The following LCT variants were observed in gnomAD, a reference collection of about 807,000 sequenced individuals.
The protein encoded by LCT is lactase.
LCT carries 90 observed loss-of-function variants against 173.0 expected under a neutral mutation model. That is an observed-to-expected ratio of 0.52 (90% CI 0.44 to 0.62). LCT has a LOEUF of 0.62. Ranked by LOEUF, LCT falls within the 20% of genes least tolerant of loss-of-function variation. The pLI is 0.00. For synonymous variants in LCT, 853 were observed against 957.6 expected, an observed-to-expected ratio of 0.89 and a Z score of 2.02; for missense variants, 1,864 against 2,431.4, an observed-to-expected ratio of 0.77 and a Z score of 4.91.
At chr2:135,821,830 C>T (rs904885811) in intron 5 of LCT, 190 bp downstream of exon 5, 13 of 586,188 alleles carry the variant, frequency 2.2e-5, no homozygotes, top group African/African-American at 1.7e-4. Context: ...AGCAGAACCT[C>T]GTGAGTCCCA....
At chr2:135,800,888 G>A in intron 11 of LCT, 79 bp from the exon 12 acceptor site, 1 of 1,132,140 alleles carries the variant, frequency 8.8e-7, no homozygotes, top group Non-Finnish European at 1.3e-6. Context: ...GCCTGCAGAT[G>A]TCCCCTCTGT....
Position 135,809,551 on chromosome 2 carries a change from C to G in LCT, c.2796G>C (p.Trp932Cys). ...WDADGKGPSI[W>C]DNFTHTPGSN... ...TCCCTGGTGTGTGGGTAAAGTTATCCCAGATGCTGGGGCCTTTGCCATCGG... is the reference window on the plus strand; with the variant it reads ...TCCCTGGTGTGTGGGTAAAGTTATCGCAGATGCTGGGGCCTTTGCCATCGG... Residue 932 changes from tryptophan (W) to cysteine (C), a missense_variant, in exon 8 of 17, where the codon TGG (tryptophan) becomes TGC (cysteine). By Grantham distance (215) the Trp-to-Cys change is radical (BLOSUM62 -2). Transcript: ENST00000264162. The surrounding 1 kb of genome is among the most constrained non-coding windows in gnomAD (Gnocchi z 5.5). 1.2e-6 allele frequency: 2 copies of G among 1,614,216 alleles called. No individual in the cohort carries two copies. The highest frequency in any genetic ancestry group is 1.7e-6 in the Non-Finnish European group (2 of 1,180,040).
At chr2:135,792,890 C>T (rs1053852578) in intron 14 of LCT, among the ~76,000 whole-genome samples, 4 of 152,134 alleles carry the variant, frequency 2.6e-5, no homozygotes, top group Admixed American at 2.0e-4. Context: ...AATACCCTGG[C>T]CAACGTAGGG....
At chr2:135,798,869 C>T (rs983068603) in intron 12 of LCT, among the ~76,000 whole-genome samples, 7 of 152,076 alleles carry the variant, frequency 4.6e-5, no homozygotes, top group African/African-American at 1.7e-4. Context: ...GGTAAAGAGG[C>T]TTAAATGCAC....
chr2:135,794,779 G>A lies in LCT; in HGVS notation c.4977-4C>T, dbSNP rs772791435. The stretch of plus-strand genomic sequence containing the variant: ...ACTCTCTGTAAATTCTGGCAGCCTG[G>A]GTGGAAGAAGCCATTGAGGGCAGGG... On this transcript the variant is annotated splice_polypyrimidine_tract_variant and splice_region_variant and intron_variant, in intron 13 of 16. Transcript: ENST00000264162. The A allele has an allele frequency of 1.9e-5, 30 of 1,614,078 alleles. No homozygotes were observed. Among genetic ancestry groups the A allele is most frequent in the Middle Eastern group, 1.7e-4 (1 of 6,058 alleles).
chr2:135,834,513 C>A (rs1190776616), intron 1 of LCT, among the ~76,000 whole-genome samples: 1 of 146,370 alleles, frequency 6.8e-6, no homozygotes, highest in Non-Finnish European at 1.5e-5. Context: ...TAAGGCCGGG[C>A]GTGGTGGCTC....
chr2:135,792,927 C>T (rs2077544034), intron 14 of LCT, among the ~76,000 whole-genome samples: 2 of 152,184 alleles, frequency 1.3e-5, no homozygotes, highest in South Asian at 2.1e-4. Flanking sequence ...CTTCTACTAC[C>T]GCAGCTGGTG....
At chr2:135,800,021 C>G (rs1245910153) in intron 12 of LCT, among the ~76,000 whole-genome samples, 7 of 152,134 alleles carry the variant, frequency 4.6e-5, no homozygotes, top group Non-Finnish European at 7.3e-5. Context: ...TAACTTCAAA[C>G]CAATGTTACA....
At chr2:135,803,223 T>C (rs993148019) in intron 11 of LCT, among the ~76,000 whole-genome samples, 2 of 152,206 alleles carry the variant, frequency 1.3e-5, no homozygotes, top group African/African-American at 2.4e-5. Flanking sequence ...ATGATGAATG[T>C]TTGAGGTGAT....
chr2:135,799,884 C>G (rs1226420538), intron 12 of LCT, among the ~76,000 whole-genome samples: 1 of 152,184 alleles, frequency 6.6e-6, no homozygotes, highest in Non-Finnish European at 1.5e-5. Context: ...TTAAGAAATG[C>G]CTAGGCTGGA....
intron 5 of LCT, chr2:135,821,819 A>G: frequency 1.7e-6 from 1 of 574,768 alleles, no homozygotes; most frequent in South Asian, 2.0e-5. Flanking sequence ...ACAGATGAGA[A>G]AGCAGAACCT....
At chr2:135,796,003 C>T (rs1049722948) in intron 13 of LCT, among the ~76,000 whole-genome samples, 2 of 152,204 alleles carry the variant, frequency 1.3e-5, no homozygotes, top group Non-Finnish European at 2.9e-5. Context: ...TCAAGCAATC[C>T]TCCTGCCTCA....
Position 135,817,329 on chromosome 2 carries a change from G to A in LCT, c.1707+12C>T. 1.9e-6 allele frequency: 3 copies of A among 1,613,344 alleles called. No homozygotes were observed. Among genetic ancestry groups the A allele is most frequent in the Non-Finnish European group, 2.5e-6 (3 of 1,179,554 alleles). On this transcript the variant is annotated intron_variant, in intron 6 of 16. Coordinates refer to ENST00000264162, the MANE Select transcript of LCT (RefSeq NM_002299.4). ...TCCTCCAATTAGTAGGAGCTGCAGG[G>A]TTGGGAAGTACCTTAAAAGAGGCCA...
intron 13 of LCT, among the ~76,000 whole-genome samples, chr2:135,795,975 G>T (rs879043236): frequency 6.6e-6 from 1 of 152,044 alleles, no homozygotes; most frequent in Non-Finnish European, 1.5e-5. Context: ...TGCCCAGGCT[G>T]GTCTTGAACT....
chr2:135,808,564 C>G lies in LCT; in HGVS notation c.3783G>C (p.Lys1261Asn). The G allele has an allele frequency of 6.2e-7, 1 of 1,614,232 alleles. No individual in the cohort carries two copies. The change falls in exon 8 of 17, where the codon AAG becomes AAC. Residue 1261 changes from lysine (K) to asparagine (N), a missense_variant. By Grantham distance (94) the Lys-to-Asn change is moderately conservative. Around this residue, in one of 4 missense-constraint regions of LCT, gnomAD observed 755 missense variants for 926.3 expected, o/e 0.82. Coordinates refer to ENST00000264162, the MANE Select transcript of LCT (RefSeq NM_002299.4). ...AAATGGGGATGTCACCATACTCTTCCTTGATCCAGTTCAGCAGCCTTCGCG... is the reference window on the plus strand; with the variant it reads ...AAATGGGGATGTCACCATACTCTTCGTTGATCCAGTTCAGCAGCCTTCGCG... ...WGTRRLLNWI[K>N]EEYGDIPIYI...
chr2:135,825,473 G>C (rs1182198011), intron 3 of LCT, among the ~76,000 whole-genome samples: 2 of 152,200 alleles, frequency 1.3e-5, no homozygotes, highest in African/African-American at 4.8e-5. Context: ...CTGAAAGACG[G>C]ATATGCCATG....
In LCT at chr2:135,808,856, T is replaced by C. The variant is rs1418494778; in HGVS notation, c.3491A>G (p.Tyr1164Cys). The C allele has an allele frequency of 6.2e-7, 1 of 1,614,226 alleles. No homozygotes were observed. Among genetic ancestry groups the C allele is most frequent in the South Asian group, 1.1e-5 (1 of 91,082 alleles). The change falls in exon 8 of 17, where the codon TAT (tyrosine) becomes TGT (cysteine). Residue 1164 changes from tyrosine (Y) to cysteine (C), a missense_variant. Physicochemically the swap from Tyr to Cys is radical, Grantham distance 194. Coordinates refer to ENST00000264162, the MANE Select transcript of LCT (RefSeq NM_002299.4). ...CACTTTCCACTTCATGGTGTCAGGA[T>C]AGTCTCCGTTTCTAAAAATGGGGTG... ...FAHPIFRNGD[Y>C]PDTMKWKVGN...
chr2:135,804,604 C>T lies in LCT; in HGVS notation c.4464+163G>A, dbSNP rs574421247. Among the ~76,000 whole-genome samples the T allele has an allele frequency of 3.5e-3, 532 of 152,366 alleles. 4 individuals are homozygous for T. Among genetic ancestry groups the T allele is most frequent in the African/African-American group, 0.012 (487 of 41,592 alleles). ...GGCTGAGAAACGAGATCCGCCACTG[C>T]ACTCCAGCCTGGGTGACAGAGCGAG... On this transcript the variant is annotated intron_variant, in intron 10 of 16. Coordinates refer to ENST00000264162, the MANE Select transcript of LCT (RefSeq NM_002299.4).
Position 135,800,701 on chromosome 2 carries a change from C to A in LCT, c.4772G>T (p.Gly1591Val). Residue 1591 changes from glycine to valine, a missense_variant, in exon 12 of 17, where the codon GGT becomes GTT. By Grantham distance (109) the Gly-to-Val change is moderately radical. Coordinates refer to ENST00000264162, the MANE Select transcript of LCT (RefSeq NM_002299.4). ...GCTGATGGTGATGGAAATCACGCCACCTTGACTGGCGCGGTACACATCGTT... is the reference window on the plus strand; with the variant it reads ...GCTGATGGTGATGGAAATCACGCCAACTTGACTGGCGCGGTACACATCGTT... ...LYNDVYRASQ[G>V]GVISITISSD... 1 of 1,613,950 alleles carries A rather than the reference C, an allele frequency of 6.2e-7. No homozygotes were observed. Among genetic ancestry groups the A allele is most frequent in the Non-Finnish European group, 8.5e-7 (1 of 1,179,988 alleles).
Sources: gnomAD v4.1 joint callset for allele counts (sites outside exome capture counted in the v4.1 genomes callset) on GRCh38, gnomAD v4.1.1 for gene constraint, gnomAD v4.1.1 regional missense constraint, Gnocchi (gnomAD v3.1) non-coding constraint, MANE v1.5 for transcripts, NCBI Gene and HGNC (gene_info 2026-07-23, HGNC 2026-07-21) for gene names.